CDK17: variants seen among roughly 807,000 people sequenced by gnomAD.
The protein encoded by CDK17 is cyclin dependent kinase 17.
A neutral mutation model predicts 77.6 loss-of-function variants in CDK17; 24 were observed. The observed-to-expected ratio is 0.31, with a 90% CI of 0.22 to 0.44. The LOEUF is 0.44. Ranked by LOEUF, CDK17 falls within the 20% of genes least tolerant of loss-of-function variation. The pLI is 1.00. For missense variants in CDK17, 429 were observed against 622.5 expected, an observed-to-expected ratio of 0.69 and a Z score of 3.31; for synonymous variants, 203 against 210.4, an observed-to-expected ratio of 0.96 and a Z score of 0.30.
intron 1 of CDK17, among the ~76,000 whole-genome samples, chr12:96,359,803 C>G (rs1251016116): frequency 6.6e-6 from 1 of 152,094 alleles, no homozygotes; most frequent in Admixed American, 6.6e-5. Flanking sequence ...AAATCCCCAT[C>G]AAAATTCTGA....
intron 6 of CDK17, among the ~76,000 whole-genome samples, 197 bp downstream of exon 6, chr12:96,300,107 C>T (rs1046771002): frequency 1.3e-5 from 2 of 152,124 alleles, no homozygotes; most frequent in Non-Finnish European, 2.9e-5. Flanking sequence ...AATTCATTTC[C>T]TCTCAAACTG....
chr12:96,286,218 C>CAT (rs1435467803), intron 12 of CDK17, 70 bp from the exon 13 acceptor site: 2 of 348,300 alleles, frequency 5.7e-6, no homozygotes, highest in South Asian at 9.6e-5. Context: ...ATTATATACA[C>CAT]ATATATATAA....
intron 5 of CDK17, among the ~76,000 whole-genome samples, chr12:96,305,360 C>A (rs1478411349): frequency 6.6e-6 from 1 of 151,928 alleles, no homozygotes; most frequent in Non-Finnish European, 1.5e-5. Flanking sequence ...TAGTAATGTA[C>A]CAATGTTGGT....
chr12:96,288,982 T>TA (rs1453698714), intron 11 of CDK17, among the ~76,000 whole-genome samples, 185 bp downstream of exon 11: 2 of 152,364 alleles, frequency 1.3e-5, no homozygotes, highest in East Asian at 3.9e-4. Flanking sequence ...CACATAGTTC[T>TA]AAATGGCAGA....
At chr12:96,339,509 A>T (rs972050923) in intron 1 of CDK17, among the ~76,000 whole-genome samples, 3 of 152,152 alleles carry the variant, frequency 2.0e-5, no homozygotes, top group African/African-American at 7.2e-5. Context: ...TAAAAATGGT[A>T]AAGATAGTGA....
chr12:96,284,109 T>C (rs1480781288), intron 13 of CDK17, among the ~76,000 whole-genome samples: 1 of 152,212 alleles, frequency 6.6e-6, no homozygotes, highest in Non-Finnish European at 1.5e-5. Context: ...TTTAGAGTTG[T>C]CTGCTTAGCA....
chr12:96,392,111 T>C (rs1954078866), intron 1 of CDK17, among the ~76,000 whole-genome samples: 1 of 151,922 alleles, frequency 6.6e-6, no homozygotes, highest in African/African-American at 2.4e-5. Flanking sequence ...GACCTGAAAA[T>C]AATTAATTAC....
At chr12:96,289,519 T>A (rs1952292597) in intron 10 of CDK17, among the ~76,000 whole-genome samples, 1 of 152,242 alleles carries the variant, frequency 6.6e-6, no homozygotes, top group African/African-American at 2.4e-5. Context: ...TGTGCTTACT[T>A]TTATGTTTGA....
intron 2 of CDK17, among the ~76,000 whole-genome samples, chr12:96,324,750 G>C (rs1377306793): frequency 2.0e-5 from 3 of 151,508 alleles, no homozygotes; most frequent in East Asian, 1.9e-4. Context: ...CTAAGCGACA[G>C]AGCAAGACTC....
chr12:96,280,618 C>T (rs1952164939), intron 16 of CDK17, 190 bp downstream of exon 16: 1 of 1,414,068 alleles, frequency 7.1e-7, no homozygotes, highest in Admixed American at 3.0e-5. Context: ...AGATTTTTCT[C>T]TGAAGATTTA....
At chr12:96,355,468 G>A (rs1038916563) in intron 1 of CDK17, among the ~76,000 whole-genome samples, 15 of 131,248 alleles carry the variant, frequency 1.1e-4, no homozygotes, top group Non-Finnish European at 1.9e-4. Context: ...GTAATGGCAC[G>A]ATCTCAGCTC....
chr12:96,362,372 CCAT>C (rs1386168063), intron 1 of CDK17, among the ~76,000 whole-genome samples: 4 of 152,086 alleles, frequency 2.6e-5, no homozygotes, highest in Non-Finnish European at 4.4e-5. Context: ...GCATACACCA[CCAT>C]GCCTGGCTAA....
chr12:96,324,823 G>A (rs568666347), intron 2 of CDK17, among the ~76,000 whole-genome samples: 1 of 151,698 alleles, frequency 6.6e-6, no homozygotes, highest in South Asian at 2.1e-4. Flanking sequence ...ACATGGTCCC[G>A]GCCTAAAGGA....
At chr12:96,289,022 C>T in intron 11 of CDK17, 145 bp downstream of exon 11, 1 of 740,132 alleles carries the variant, frequency 1.4e-6, no homozygotes, top group Non-Finnish European at 2.1e-6. Context: ...TAATCTAATT[C>T]CCATGCCAGA....
intron 1 of CDK17, among the ~76,000 whole-genome samples, chr12:96,385,361 G>C (rs564148280): frequency 6.6e-6 from 1 of 152,024 alleles, no homozygotes; most frequent in African/African-American, 2.4e-5. Context: ...ATGACTAGAA[G>C]GGGTTGGCAA....
At chr12:96,288,717 A>G (rs557685671) in intron 11 of CDK17, among the ~76,000 whole-genome samples, 2 of 152,294 alleles carry the variant, frequency 1.3e-5, no homozygotes, top group South Asian at 4.1e-4. Context: ...GAGAAAGATG[A>G]CTACAATATT....
At chr12:96,328,934 C>A (rs1352102734) in intron 2 of CDK17, among the ~76,000 whole-genome samples, 2 of 152,104 alleles carry the variant, frequency 1.3e-5, no homozygotes, top group Non-Finnish European at 2.9e-5. Context: ...TCTAACACTT[C>A]CAGAACTTGA....
At chr12:96,313,009 T>C (rs374882792) in intron 4 of CDK17, among the ~76,000 whole-genome samples, 2 of 152,238 alleles carry the variant, frequency 1.3e-5, no homozygotes, top group African/African-American at 4.8e-5. Flanking sequence ...TGTATCATTC[T>C]GTATTTCCAG....
Position 96,295,220 on chromosome 12 carries a change from T to C in CDK17, c.874-98A>G, listed in dbSNP as rs535369140. 18 of 885,294 alleles carry C rather than the reference T, an allele frequency of 2.0e-5. No individual in the cohort carries two copies. The Admixed American group carries it at 4.2e-4, about 20-fold the overall frequency. 54.8% of individuals were successfully genotyped at this position (885,294 alleles called of 1,614,324 possible). ...GCAGAAAAGCAGCTGGCCTAGAACA[T>C]TGTAACAGGAAAAAGAAAGTAATTG... On this transcript the variant is annotated intron_variant, in intron 9 of 16. Coordinates refer to ENST00000261211, the MANE Select transcript of CDK17 (RefSeq NM_002595.5).
Sources: allele counts gnomAD v4.1 joint callset (sites outside exome capture counted in the v4.1 genomes callset), GRCh38; gene constraint gnomAD v4.1.1; transcripts MANE v1.5; gene names NCBI Gene and HGNC (gene_info 2026-07-23, HGNC 2026-07-21).